The following LAIR1 variants were observed in gnomAD, a reference collection of about 807,000 sequenced individuals.
LAIR1 encodes the protein leukocyte associated immunoglobulin like receptor 1, also known as leukocyte-associated immunoglobulin-like receptor 1.
Under a neutral mutation model 32.8 loss-of-function variants are expected in LAIR1, and 24 were observed. That is an observed-to-expected ratio of 0.73 (90% CI 0.53 to 1.03). LAIR1 has a LOEUF of 1.03. LAIR1 is among the 50% of genes least tolerant of loss of function. The pLI, the probability that LAIR1 is intolerant of heterozygous loss-of-function variation, is 0.00. For synonymous variants in LAIR1, 150 were observed against 140.5 expected (o/e 1.07, Z -0.48); for missense variants, 355 against 347.5 (o/e 1.02, Z -0.17).
Position 54,356,575 on chromosome 19 carries a change from G to A in LAIR1, c.499C>T (p.Leu167Phe), listed in dbSNP as rs762395608. 6.2e-6 allele frequency: 10 copies of A among 1,613,834 alleles called. No homozygotes were observed. The highest frequency in any genetic ancestry group is 1.3e-5 in the African/African-American group (1 of 74,880). Residue 167 changes from leucine to phenylalanine, a missense_variant, in exon 6 of 10, where the codon CTC becomes TTC. By Grantham distance (22) the Leu-to-Phe change is conservative. Transcript: ENST00000391742. ...QGLKAEHLYI[L>F]IGVSVVFLFC... ...AGGAAGACCACTGAGACCCCGATGA[G>A]AATATACAGATGCTCAGCTTTCAGG...
chr19:54,358,521 T>C (rs2081851679), intron 4 of LAIR1: 1 of 1,604,502 alleles, frequency 6.2e-7, no homozygotes, highest in Non-Finnish European at 8.5e-7. Flanking sequence ...GCATTTCTAT[T>C]GCTCATTCTA....
chr19:54,364,605 A>T lies in LAIR1; in HGVS notation c.34+166T>A. ...CCCGGGCCCCTGTTTTTAGGACAAG[A>T]TCTTCTCTGATCAGACTTAGGCCCC... On this transcript the variant is annotated intron_variant, in intron 1 of 9. Transcript: ENST00000391742. This position sits in a 1 kb window ranked among gnomAD's most constrained non-coding sequence, Gnocchi z 4.8. The T allele has an allele frequency of 3.6e-6, 3 of 836,568 alleles. No homozygotes were observed. The highest frequency in any genetic ancestry group is 3.7e-5 in the Admixed American group (2 of 53,954). 51.8% of individuals were successfully genotyped at this position (836,568 alleles called of 1,614,324 possible).
upstream of LAIR1, among the ~76,000 whole-genome samples, chr19:54,371,372 C>T (rs1216581756): frequency 6.6e-6 from 1 of 151,356 alleles, no homozygotes. Context: ...AATCTCAGCT[C>T]ACTGCAGCCT....
At chr19:54,356,866 C>T (rs1006636019) in intron 5 of LAIR1, 62 bp downstream of exon 5, 11 of 1,595,334 alleles carry the variant, frequency 6.9e-6, no homozygotes, top group Middle Eastern at 1.6e-4. Context: ...CAAAGCCTGA[C>T]CTCTTTCTCC....
Position 54,364,403 on chromosome 19 carries a change from T to C in LAIR1, c.35-73A>G. On this transcript the variant is annotated intron_variant, in intron 1 of 9. Coordinates refer to ENST00000391742, the MANE Select transcript of LAIR1 (RefSeq NM_002287.6). The surrounding 1 kb of genome is among the most constrained non-coding windows in gnomAD (Gnocchi z 4.8). ...TACGGGGCTGCTGTCAAAAGGGGGC[T>C]CGATGGAGCTGGGGGGCATTCAGCA... 8 of 1,592,856 alleles carry C rather than the reference T, an allele frequency of 5.0e-6. No homozygotes were observed. The highest frequency in any genetic ancestry group is 6.9e-6 in the Non-Finnish European group (8 of 1,161,034).
chr19:54,357,692 G>A (rs2081791928), intron 4 of LAIR1: 1 of 152,274 alleles, frequency 6.6e-6, no homozygotes, highest in African/African-American at 2.4e-5. Context: ...GGGTCCTGAG[G>A]GGCTCCCCCA....
At chr19:54,356,426 G>C (rs750854922) in intron 6 of LAIR1, 28 bp from the exon 7 acceptor site, 1 of 1,607,480 alleles carries the variant, frequency 6.2e-7, no homozygotes, top group Non-Finnish European at 8.5e-7. Context: ...GTGAATTAAG[G>C]AGACCTTCTT....
chr19:54,357,837 G>A (rs377510143), intron 4 of LAIR1, among the ~76,000 whole-genome samples: 1 of 150,578 alleles, frequency 6.6e-6, no homozygotes, highest in South Asian at 2.1e-4. Context: ...CTCCTGCCTC[G>A]TCCACGGTCT....
upstream of LAIR1, among the ~76,000 whole-genome samples, chr19:54,371,914 G>A (rs1160095270): frequency 6.6e-6 from 1 of 151,554 alleles, no homozygotes. Context: ...CGCCATTTGG[G>A]CGGGCTTATT....
chr19:54,354,496 G>T lies in LAIR1; in HGVS notation c.*772C>A, dbSNP rs1569182201. On this transcript the variant is annotated 3_prime_UTR_variant, in exon 10 of 10. Transcript: ENST00000391742. ...CTGTCATTGCACAATGTACGTGTAC[G>T]ACAAATTATCACATTTTACACCTTG... 6.6e-6 allele frequency: 1 copy of T among 152,212 alleles called. No homozygotes were observed. The highest frequency in any genetic ancestry group is 6.5e-5 in the Admixed American group (1 of 15,282). The allele number at this position is 152,212 out of a possible 1,614,324, so 9.4% of individuals were successfully genotyped here.
chr19:54,373,071 G>A (rs938144122), upstream of LAIR1, among the ~76,000 whole-genome samples: 4 of 150,768 alleles, frequency 2.7e-5, no homozygotes, highest in African/African-American at 9.9e-5. Context: ...GGTAGAGGTT[G>A]CAGTGAGCCG....
At chr19:54,372,016 G>C (rs555699682), upstream of LAIR1, among the ~76,000 whole-genome samples, 6 of 151,548 alleles carry the variant, frequency 4.0e-5, no homozygotes, top group Admixed American at 6.5e-5. Context: ...TCCATTGTCT[G>C]GACACATAGT....
In LAIR1 at chr19:54,354,688, A is replaced by G. The variant is rs1281410421; in HGVS notation, c.*580T>C. On this transcript the variant is annotated 3_prime_UTR_variant, in exon 10 of 10. Coordinates refer to ENST00000391742, the MANE Select transcript of LAIR1 (RefSeq NM_002287.6). ...GGGGCTGCCAGATGTGAGGCCTTCA[A>G]AATTATTTATTGATGCGTGGAGTAA... 1 of 152,232 alleles carries G rather than the reference A, an allele frequency of 6.6e-6. No homozygotes were observed. Among genetic ancestry groups the G allele is most frequent in the Admixed American group, 6.5e-5 (1 of 15,276 alleles). 9.4% of individuals were successfully genotyped at this position (152,232 alleles called of 1,614,324 possible).
rs2081673094 is a variant in LAIR1 at position 54,355,848 on chromosome 19, G to A, written c.717+106C>T. On this transcript the variant is annotated intron_variant, in intron 9 of 9. Coordinates refer to ENST00000391742, the MANE Select transcript of LAIR1 (RefSeq NM_002287.6). The surrounding 1 kb of genome is among the most constrained non-coding windows in gnomAD (Gnocchi z 4.7). ...ACAGCAACCTCAGGACAGGCCGTGA[G>A]CCGGAACCGCCCAGCTGAGCCACTC... is the stretch of plus-strand genomic sequence containing the variant. 1.3e-6 allele frequency: 1 copy of A among 799,232 alleles called. No individual in the cohort carries two copies. Among genetic ancestry groups the A allele is most frequent in the African/African-American group, 1.7e-5 (1 of 59,732 alleles). 49.5% of individuals were successfully genotyped at this position (799,232 alleles called of 1,614,324 possible).
intron 4 of LAIR1, among the ~76,000 whole-genome samples, chr19:54,358,784 A>G (rs2081862937): frequency 6.6e-6 from 1 of 151,372 alleles, no homozygotes; most frequent in Non-Finnish European, 1.5e-5. Flanking sequence ...CACATGAGGA[A>G]TTTGGGACAC....
chr19:54,356,218 C>G lies in LAIR1; in HGVS notation c.664+12G>C, dbSNP rs757020216. 2 of 1,612,322 alleles carry G rather than the reference C, an allele frequency of 1.2e-6. No individual in the cohort carries two copies. The highest frequency in any genetic ancestry group is 1.7e-6 in the Non-Finnish European group (2 of 1,179,048). Reference sequence around the variant, plus strand: ...CCCCATCCCAGGCCTGTCCCTCCTCCTCCCCCTTTACCTGCTGTCCTCTCT... The same window carrying G: ...CCCCATCCCAGGCCTGTCCCTCCTCGTCCCCCTTTACCTGCTGTCCTCTCT... On this transcript the variant is annotated intron_variant, in intron 8 of 9. Coordinates refer to ENST00000391742, the MANE Select transcript of LAIR1 (RefSeq NM_002287.6).
chr19:54,370,110 C>A (rs1231842366), intron 1 of LAIR1, among the ~76,000 whole-genome samples: 1 of 147,396 alleles, frequency 6.8e-6, no homozygotes, highest in East Asian at 2.0e-4. Context: ...GAGGTCTGTA[C>A]TTCTTGCTGT....
At chr19:54,357,328 C>T (rs2081769567) in intron 4 of LAIR1, 1 of 217,900 alleles carries the variant, frequency 4.6e-6, no homozygotes, top group Admixed American at 5.7e-5. Context: ...GTAGACATCG[C>T]TAATTTCTGC....
chr19:54,372,753 G>C (rs192109472), upstream of LAIR1, among the ~76,000 whole-genome samples: 1 of 150,828 alleles, frequency 6.6e-6, no homozygotes, highest in Admixed American at 6.6e-5. Flanking sequence ...CTTTTAAAGT[G>C]CTGGGATTAT....
Sources: gnomAD v4.1 joint callset for allele counts (sites outside exome capture counted in the v4.1 genomes callset) on GRCh38, gnomAD v4.1.1 for gene constraint, Gnocchi (gnomAD v3.1) non-coding constraint, MANE v1.5 for transcripts, NCBI Gene and HGNC (gene_info 2026-07-23, HGNC 2026-07-21) for gene names.